Variants in NCOR1 observed in about 807,000 individuals in gnomAD.
The protein encoded by NCOR1 is nuclear receptor corepressor 1, also known as protein phosphatase 1, regulatory subunit 109.
NCOR1 carries 63 observed loss-of-function variants against 288.1 expected under a neutral mutation model. The ratio of observed to expected loss-of-function variants is 0.22; its 90% CI spans 0.18 to 0.27. The LOEUF is 0.27. Among genes scored for constraint, NCOR1 ranks in the 10% least tolerant of loss-of-function variants. The pLI is 1.00. For synonymous variants in NCOR1, 1,007 were observed against 1,065.9 expected, an observed-to-expected ratio of 0.94 and a Z score of 1.08; for missense variants, 2,397 against 3,019.2, an observed-to-expected ratio of 0.79 and a Z score of 4.83.
chr17:16,165,193 A>G (rs1211241469), intron 4 of NCOR1, 32 bp from the exon 5 acceptor site: 40 of 1,553,102 alleles, frequency 2.6e-5, no homozygotes, highest in Non-Finnish European at 3.4e-5. Flanking sequence ...AAAACAATTT[A>G]TTTCTCACTA....
At chr17:16,118,838 C>T (rs984962874) in intron 17 of NCOR1, among the ~76,000 whole-genome samples, 4 of 152,028 alleles carry the variant, frequency 2.6e-5, no homozygotes, top group East Asian at 1.9e-4. Context: ...TAACAAGCAA[C>T]GACAGAAAAG....
Position 16,126,174 on chromosome 17 carries a change from T to C in NCOR1, c.1542A>G (p.Val514=), listed in dbSNP as rs978193925. The C allele has an allele frequency of 5.1e-6, 8 of 1,562,466 alleles. No individual in the cohort carries two copies. The highest frequency in any genetic ancestry group is 1.7e-4 in the Middle Eastern group (1 of 5,852). Residue 514 remains valine (V), a synonymous_variant, in exon 15 of 46, where the codon GTA becomes GTG. Transcript: ENST00000268712. Reference sequence around the variant, plus strand: ...CTGCTTTATCCTCTTCTTTTTCTTCTACTTTTTCTTCTTGCGAGGGTCGAG... The same window carrying C: ...CTGCTTTATCCTCTTCTTTTTCTTCCACTTTTTCTTCTTGCGAGGGTCGAG... ...QIARPSQEEK[V]EEKEEDKAEK...
intron 3 of NCOR1, among the ~76,000 whole-genome samples, chr17:16,179,379 A>G (rs1315207227): frequency 1.3e-5 from 2 of 152,172 alleles, no homozygotes; most frequent in African/African-American, 2.4e-5. Context: ...GGAAATGGAT[A>G]AATTCCTAGA....
chr17:16,037,482 C>A (rs536891602), intron 44 of NCOR1, among the ~76,000 whole-genome samples: 1 of 151,896 alleles, frequency 6.6e-6, no homozygotes, highest in African/African-American at 2.4e-5. Context: ...TTGTAACAAT[C>A]AAAACAAAAA....
intron 3 of NCOR1, among the ~76,000 whole-genome samples, chr17:16,176,488 C>T (rs904916252): frequency 6.6e-6 from 1 of 152,040 alleles, no homozygotes; most frequent in African/African-American, 2.4e-5. Flanking sequence ...AGGCTGGTCT[C>T]GAACTCCTGA....
chr17:16,208,065 G>A (rs1226768741), intron 1 of NCOR1, among the ~76,000 whole-genome samples: 2 of 110,146 alleles, frequency 1.8e-5, no homozygotes, highest in Admixed American at 1.3e-4. Flanking sequence ...TTTTTGAGAC[G>A]GAGTCTCGCT....
chr17:16,044,895 G>A, intron 42 of NCOR1: 1 of 720,854 alleles, frequency 1.4e-6, no homozygotes, highest in Non-Finnish European at 2.4e-6. Context: ...TGAGAAGAAA[G>A]TGGAAGCAAA....
At chr17:16,054,080 A>AAAAAAAAAAAAAAAT in intron 40 of NCOR1, among the ~76,000 whole-genome samples, 1 of 150,260 alleles carries the variant, frequency 6.7e-6, no homozygotes, top group Non-Finnish European at 1.5e-5. Context: ...TAAAAAAAAA[A>AAAAAAAAAAAAAAAT]AAAAAAAAAA....
chr17:16,042,231 G>A (rs2057846231), intron 42 of NCOR1, among the ~76,000 whole-genome samples: 1 of 152,156 alleles, frequency 6.6e-6, no homozygotes, highest in Non-Finnish European at 1.5e-5. Flanking sequence ...TTATGGGCCA[G>A]GTGACAAGGT....
At chr17:16,159,617 T>G (rs2080418478) in intron 5 of NCOR1, among the ~76,000 whole-genome samples, 1 of 152,150 alleles carries the variant, frequency 6.6e-6, no homozygotes, top group African/African-American at 2.4e-5. Flanking sequence ...GATCAAGGGT[T>G]AACCCTTAAC....
chr17:16,213,293 C>T (rs930128238), intron 1 of NCOR1, among the ~76,000 whole-genome samples: 2 of 151,662 alleles, frequency 1.3e-5, no homozygotes, highest in South Asian at 4.2e-4. Flanking sequence ...GAGATTGAGA[C>T]CATCCTGGCT....
chr17:16,159,136 G>A (rs772300234), intron 5 of NCOR1, among the ~76,000 whole-genome samples: 6 of 151,896 alleles, frequency 4.0e-5, no homozygotes, highest in Non-Finnish European at 7.4e-5. Flanking sequence ...ATTCTGGGCC[G>A]GGTGCAGTGG....
chr17:16,121,102 G>T lies in NCOR1; in HGVS notation c.1802C>A (p.Ala601Glu). 1 of 1,614,160 alleles carries T rather than the reference G, an allele frequency of 6.2e-7. No individual in the cohort carries two copies. Among genetic ancestry groups the T allele is most frequent in the Non-Finnish European group, 8.5e-7 (1 of 1,179,998 alleles). The change falls in exon 16 of 46, where the codon GCA (alanine) becomes GAA (glutamate). Residue 601 changes from alanine to glutamate, a missense_variant. By Grantham distance (107) the Ala-to-Glu change is moderately radical. Transcript: ENST00000268712. ...TGGTGGGGGCTCTTCAGTAGCCGCT[G>T]CGGCTGCAGCACTGGCAGCTGCAGC... is the stretch of plus-strand genomic sequence containing the variant. ...NEAAAASAAA[A>E]AATEEPPPPL... is the part of the protein sequence containing the mutation.
intron 5 of NCOR1, among the ~76,000 whole-genome samples, chr17:16,164,243 G>GAAAA (rs34172004): frequency 1.4e-5 from 2 of 138,936 alleles, no homozygotes; most frequent in African/African-American, 5.3e-5. Context: ...TCCAAATCTG[G>GAAAA]AAAAAAAAAA....
chr17:16,076,011 T>C (rs1340416480), intron 26 of NCOR1, among the ~76,000 whole-genome samples: 2 of 152,258 alleles, frequency 1.3e-5, no homozygotes, highest in Admixed American at 6.5e-5. Context: ...TCTTAAGGAC[T>C]AAAATCAAGT....
At chr17:16,172,074 T>C (rs2083238073) in intron 3 of NCOR1, 79 bp from the exon 4 acceptor site, 13 of 1,188,036 alleles carry the variant, frequency 1.1e-5, no homozygotes, top group Non-Finnish European at 1.5e-5. Flanking sequence ...TGGTTAGACT[T>C]TGAAATAACA....
At chr17:16,137,662 C>A in intron 13 of NCOR1, 1 of 281,154 alleles carries the variant, frequency 3.6e-6, no homozygotes. Flanking sequence ...CAGAAACATT[C>A]AAATATTTTC....
chr17:16,209,724 G>C (rs940765240), intron 1 of NCOR1, among the ~76,000 whole-genome samples: 2 of 151,642 alleles, frequency 1.3e-5, no homozygotes, highest in Non-Finnish European at 2.9e-5. Context: ...GGCCAAGGCG[G>C]GCAGATCACT....
intron 19 of NCOR1, among the ~76,000 whole-genome samples, chr17:16,102,753 C>T (rs2067873044): frequency 6.6e-6 from 1 of 152,072 alleles, no homozygotes; most frequent in Non-Finnish European, 1.5e-5. Context: ...GGCACCATGC[C>T]CGGCTAATTT....
Sources: allele counts gnomAD v4.1 joint callset (sites outside exome capture counted in the v4.1 genomes callset), GRCh38; gene constraint gnomAD v4.1.1; transcripts MANE v1.5; gene names NCBI Gene and HGNC (gene_info 2026-07-23, HGNC 2026-07-21).